Variants in PDZD2 observed in about 807,000 individuals in gnomAD.
The protein encoded by PDZD2 is PDZ domain containing 2, also known as PDZ domain-containing protein 2.
In PDZD2, 90 loss-of-function variants were observed where a neutral mutation model predicts 220.7. The ratio of observed to expected loss-of-function variants is 0.41; its 90% CI spans 0.34 to 0.49. The LOEUF (loss-of-function observed/expected upper bound fraction) is 0.49. Ranked by LOEUF, PDZD2 falls within the 20% of genes least tolerant of loss-of-function variation. PDZD2 has a pLI of 0.28. For synonymous variants in PDZD2, 1,375 were observed against 1,450.5 expected (o/e 0.95, Z 1.18); for missense variants, 3,174 against 3,608.5 (o/e 0.88, Z 3.08).
intron 10 of PDZD2, among the ~76,000 whole-genome samples, chr5:32,054,649 A>G (rs1443140688): frequency 6.6e-6 from 1 of 152,038 alleles, no homozygotes; most frequent in Non-Finnish European, 1.5e-5. Context: ...TTTAATTCTC[A>G]ATAGCACCTG....
chr5:31,930,626 C>T (rs1745197962), intron 2 of PDZD2, among the ~76,000 whole-genome samples: 2 of 152,124 alleles, frequency 1.3e-5, no homozygotes, highest in African/African-American at 4.8e-5. Context: ...GTGTTTCAAG[C>T]AGATGTTATG....
At chr5:31,863,424 C>G (rs774734978) in intron 2 of PDZD2, among the ~76,000 whole-genome samples, 1 of 152,170 alleles carries the variant, frequency 6.6e-6, no homozygotes, top group African/African-American at 2.4e-5. Context: ...GCCTGCCTAG[C>G]GTGGTTTTCC....
At chr5:31,885,196 C>CTGTTA in intron 2 of PDZD2, among the ~76,000 whole-genome samples, 1 of 147,620 alleles carries the variant, frequency 6.8e-6, no homozygotes, top group South Asian at 2.1e-4. Flanking sequence ...AATGCTTGAG[C>CTGTTA]TGTTAGGTAA....
intron 2 of PDZD2, among the ~76,000 whole-genome samples, chr5:31,895,700 G>GT (rs1404900006): frequency 1.3e-5 from 2 of 151,952 alleles, no homozygotes; most frequent in East Asian, 3.9e-4. Flanking sequence ...CCCCTTCCTC[G>GT]TTTTTTCACT....
At chr5:31,698,200 G>T (rs558737682) in intron 1 of PDZD2, among the ~76,000 whole-genome samples, 88 of 145,098 alleles carry the variant, frequency 6.1e-4, no homozygotes, top group Admixed American at 1.9e-3. Flanking sequence ...CACCGCACCC[G>T]GCCCCTTCCT....
chr5:31,696,906 C>T (rs1353841596), intron 1 of PDZD2, among the ~76,000 whole-genome samples: 1 of 152,154 alleles, frequency 6.6e-6, no homozygotes, highest in Non-Finnish European at 1.5e-5. Flanking sequence ...TTTAGTGGTT[C>T]TGCTTGTTCA....
At chr5:31,695,048 C>T (rs1456436244) in intron 1 of PDZD2, among the ~76,000 whole-genome samples, 1 of 151,992 alleles carries the variant, frequency 6.6e-6, no homozygotes, top group Non-Finnish European at 1.5e-5. Context: ...TGCTTGAACC[C>T]AGGAGGCGGA....
At chr5:31,880,116 GT>G (rs1739734035) in intron 2 of PDZD2, among the ~76,000 whole-genome samples, 1 of 151,738 alleles carries the variant, frequency 6.6e-6, no homozygotes, top group East Asian at 1.9e-4. Context: ...TAGAGATGGG[GT>G]TTCACCATGT....
At chr5:31,699,477 G>A (rs1337310816) in intron 1 of PDZD2, among the ~76,000 whole-genome samples, 1 of 152,108 alleles carries the variant, frequency 6.6e-6, no homozygotes, top group Non-Finnish European at 1.5e-5. Context: ...GGCCAGGCAT[G>A]GTGGCTCATG....
chr5:31,734,762 G>A (rs1561417026), intron 1 of PDZD2, among the ~76,000 whole-genome samples: 1 of 152,270 alleles, frequency 6.6e-6, no homozygotes, highest in East Asian at 1.9e-4. Flanking sequence ...TCACGAGATT[G>A]GTTTCCCTGA....
chr5:31,857,411 G>A (rs948944328), intron 2 of PDZD2, among the ~76,000 whole-genome samples: 1 of 152,058 alleles, frequency 6.6e-6, no homozygotes, highest in East Asian at 1.9e-4. Context: ...ACATTCTTTT[G>A]CTGGTAAAAT....
At chr5:31,775,636 G>T (rs897647276) in intron 1 of PDZD2, among the ~76,000 whole-genome samples, 1 of 151,654 alleles carries the variant, frequency 6.6e-6, no homozygotes, top group Non-Finnish European at 1.5e-5. Flanking sequence ...GGAAGGGGAA[G>T]AGGGAGTGGA....
chr5:31,945,044 C>G (rs139270705), intron 2 of PDZD2, among the ~76,000 whole-genome samples: 1 of 152,168 alleles, frequency 6.6e-6, no homozygotes, highest in Non-Finnish European at 1.5e-5. Flanking sequence ...TTGGATGATG[C>G]AAGTTGTATA....
intron 1 of PDZD2, among the ~76,000 whole-genome samples, chr5:31,714,409 T>C (rs913719959): frequency 6.6e-6 from 1 of 152,186 alleles, no homozygotes; most frequent in Non-Finnish European, 1.5e-5. Context: ...CTATCAATAT[T>C]CTGGTAGATG....
At chr5:31,883,695 T>A (rs1740158089) in intron 2 of PDZD2, among the ~76,000 whole-genome samples, 1 of 151,662 alleles carries the variant, frequency 6.6e-6, no homozygotes, top group Non-Finnish European at 1.5e-5. Flanking sequence ...CTCGGCTCAT[T>A]GCAACTTCCA....
At chr5:31,882,528 C>A (rs982423940) in intron 2 of PDZD2, among the ~76,000 whole-genome samples, 2 of 152,132 alleles carry the variant, frequency 1.3e-5, no homozygotes, top group Non-Finnish European at 1.5e-5. Flanking sequence ...TTATCCAGAC[C>A]CTGAGATTTC....
intron 19 of PDZD2, among the ~76,000 whole-genome samples, chr5:32,085,479 C>A (rs1054136998): frequency 6.7e-6 from 1 of 149,032 alleles, no homozygotes; most frequent in African/African-American, 2.6e-5. Context: ...CGGAGTCTTG[C>A]TCTGTTACTC....
chr5:32,076,697 A>T (rs1003127419), intron 18 of PDZD2, among the ~76,000 whole-genome samples: 5 of 152,232 alleles, frequency 3.3e-5, no homozygotes, highest in Non-Finnish European at 5.9e-5. Context: ...TACATTCAGA[A>T]TGCAATATGA....
chr5:31,995,550 A>C, intron 3 of PDZD2, 26 bp from the exon 4 acceptor site: 1 of 1,613,780 alleles, frequency 6.2e-7, no homozygotes, highest in South Asian at 1.1e-5. Context: ...AACCTCCTTC[A>C]TGGTGTGCTC....
Sources: allele counts gnomAD v4.1 joint callset (sites outside exome capture counted in the v4.1 genomes callset), GRCh38; gene constraint gnomAD v4.1.1; transcripts MANE v1.5; gene names NCBI Gene and HGNC (gene_info 2026-07-23, HGNC 2026-07-21).